TFDP1: variants seen among roughly 807,000 people sequenced by gnomAD.
TFDP1 encodes transcription factor Dp-1.
A neutral mutation model predicts 48.0 loss-of-function variants in TFDP1; 6 were observed. The ratio of observed to expected loss-of-function variants is 0.13; its 90% CI spans 0.07 to 0.25. The LOEUF is 0.25. Ranked by LOEUF, TFDP1 falls within the 10% of genes least tolerant of loss-of-function variation. The probability of loss-of-function intolerance (pLI) is 1.00; values close to 1 mark genes in which losing one functional copy is unlikely to be tolerated. For missense variants in TFDP1, 335 were observed against 543.0 expected (o/e 0.62, Z 3.81); for synonymous variants, 201 against 211.6 (o/e 0.95, Z 0.44).
intron 3 of TFDP1, among the ~76,000 whole-genome samples, chr13:113,622,523 C>A (rs1169025083): frequency 6.6e-6 from 1 of 152,214 alleles, no homozygotes. Flanking sequence ...CCGCTGATGC[C>A]AGTTTTTGAA....
intron 2 of TFDP1, among the ~76,000 whole-genome samples, chr13:113,595,904 A>C (rs2048277369): frequency 1.3e-5 from 2 of 152,178 alleles, no homozygotes; most frequent in African/African-American, 2.4e-5. Flanking sequence ...AACATGGTGA[A>C]ACCCCGTCTC....
intron 8 of TFDP1, among the ~76,000 whole-genome samples, 191 bp downstream of exon 8, chr13:113,634,793 G>A (rs2049430955): frequency 1.6e-5 from 1 of 62,470 alleles, no homozygotes; most frequent in South Asian, 8.3e-4. Flanking sequence ...GTGCACGTGC[G>A]TGTGCATGCA....
chr13:113,617,351 GAGA>G (rs67458703), intron 3 of TFDP1, among the ~76,000 whole-genome samples: 7,145 of 152,066 alleles, frequency 0.047, 479 homozygotes, highest in African/African-American at 0.14. Context: ...GCTGACAACA[GAGA>G]AGAACATTCT....
chr13:113,613,334 T>C (rs1434201829), intron 3 of TFDP1, among the ~76,000 whole-genome samples: 1 of 152,236 alleles, frequency 6.6e-6, no homozygotes, highest in African/African-American at 2.4e-5. Flanking sequence ...ATTTTAAATT[T>C]GCTTTTGAAT....
chr13:113,601,303 GTT>G (rs2048419208), intron 2 of TFDP1, among the ~76,000 whole-genome samples: 4 of 93,948 alleles, frequency 4.3e-5, no homozygotes, highest in African/African-American at 2.6e-4. Flanking sequence ...GGTGCCCTGA[GTT>G]GGTCTGGGCA....
Position 113,623,921 on chromosome 13 carries a change from A to C in TFDP1, c.186+635A>C, listed in dbSNP as rs2049056488. Among the ~76,000 whole-genome samples, 1 of 152,108 alleles carries C rather than the reference A, an allele frequency of 6.6e-6. No homozygotes were observed. The highest frequency in any genetic ancestry group is 6.5e-5 in the Admixed American group (1 of 15,274). On this transcript the variant is annotated intron_variant, in intron 4 of 11. Transcript: ENST00000375370. This position sits in a 1 kb window ranked among gnomAD's most constrained non-coding sequence, Gnocchi z 5.2. ...CGGTGGCAGCCTACTGGAGACAGGG[A>C]GCCCACACAGAATCCTGACCTCACC...
intron 2 of TFDP1, among the ~76,000 whole-genome samples, chr13:113,591,514 T>C (rs1332851182): frequency 6.6e-6 from 1 of 152,248 alleles, no homozygotes; most frequent in East Asian, 1.9e-4. Flanking sequence ...TGGAGTTCGT[T>C]GTGTAAGAAT....
At chr13:113,608,926 T>G (rs1176776548) in intron 2 of TFDP1, among the ~76,000 whole-genome samples, 1 of 152,232 alleles carries the variant, frequency 6.6e-6, no homozygotes, top group Non-Finnish European at 1.5e-5. Context: ...GTCTCGGCCT[T>G]ACCAACCTGG....
At chr13:113,604,869 G>A (rs990570992) in intron 2 of TFDP1, among the ~76,000 whole-genome samples, 3 of 152,176 alleles carry the variant, frequency 2.0e-5, no homozygotes, top group Admixed American at 6.5e-5. Flanking sequence ...GGGTCTGCAC[G>A]TTTACTGCTG....
intron 3 of TFDP1, among the ~76,000 whole-genome samples, chr13:113,614,043 G>A (rs2048789246): frequency 6.6e-6 from 1 of 151,406 alleles, no homozygotes; most frequent in South Asian, 2.1e-4. Context: ...TGTGAGTTGT[G>A]TGTGAGATGT....
chr13:113,640,082 G>A (rs202225572), intron 11 of TFDP1, 38 bp from the exon 12 acceptor site: 30 of 1,505,346 alleles, frequency 2.0e-5, no homozygotes, highest in Admixed American at 1.4e-4. Flanking sequence ...TGGGTGGGCC[G>A]CCTGCACTGA....
At position 113,627,711 on chromosome 13, in the gene TFDP1, T is replaced by G. The variant is rs2049220105; in HGVS notation, c.187-3912T>G. 1.4e-5 allele frequency among the ~76,000 whole-genome samples: 2 copies of G among 146,272 alleles called. No individual in the cohort carries two copies. The highest frequency in any genetic ancestry group is 2.1e-4 in the South Asian group (1 of 4,816). On this transcript the variant is annotated intron_variant, in intron 4 of 11. Coordinates refer to ENST00000375370, the MANE Select transcript of TFDP1 (RefSeq NM_007111.5). This position sits in a 1 kb window ranked among gnomAD's most constrained non-coding sequence, Gnocchi z 4.1. ...CCTCCTGTCAGATCCCAGCATTAGGTTCTCAGGAGCGCAAACCCCACTGTG... is the reference window on the plus strand; with the variant it reads ...CCTCCTGTCAGATCCCAGCATTAGGGTCTCAGGAGCGCAAACCCCACTGTG...
chr13:113,631,111 G>A (rs991086978), intron 4 of TFDP1, among the ~76,000 whole-genome samples: 14 of 152,240 alleles, frequency 9.2e-5, no homozygotes, highest in African/African-American at 3.4e-4. Context: ...CACCCTGCCT[G>A]TGCTTTTGTC....
intron 2 of TFDP1, among the ~76,000 whole-genome samples, chr13:113,588,530 C>T (rs2048060359): frequency 6.6e-6 from 1 of 152,206 alleles, no homozygotes; most frequent in Non-Finnish European, 1.5e-5. Context: ...GGTCAGTCCT[C>T]TGGGGGTGTC....
chr13:113,587,588 A>G (rs920928208), intron 2 of TFDP1, among the ~76,000 whole-genome samples: 1 of 148,028 alleles, frequency 6.8e-6, no homozygotes, highest in African/African-American at 2.5e-5. Flanking sequence ...GGGTTTAAGC[A>G]ATCCTCTCGC....
intron 2 of TFDP1, among the ~76,000 whole-genome samples, chr13:113,593,061 G>T (rs1295794143): frequency 1.3e-5 from 2 of 149,972 alleles, no homozygotes; most frequent in East Asian, 2.0e-4. Context: ...CCCTGCCCAG[G>T]TGACAGGTGT....
intron 3 of TFDP1, among the ~76,000 whole-genome samples, chr13:113,622,153 C>T (rs2049010413): frequency 6.6e-6 from 1 of 152,208 alleles, no homozygotes; most frequent in African/African-American, 2.4e-5. Context: ...CTTATCTTTC[C>T]CTTTTGTCTT....
intron 3 of TFDP1, among the ~76,000 whole-genome samples, chr13:113,621,737 A>G (rs2048999715): frequency 6.6e-6 from 1 of 152,218 alleles, no homozygotes; most frequent in African/African-American, 2.4e-5. Flanking sequence ...ACTGTGGTCT[A>G]GCGGTAGCCT....
At chr13:113,624,248 G>T (rs2049064886) in intron 4 of TFDP1, among the ~76,000 whole-genome samples, 1 of 152,124 alleles carries the variant, frequency 6.6e-6, no homozygotes, top group South Asian at 2.1e-4. Flanking sequence ...CTCTTAAAAG[G>T]ATTGAACACC....
Sources: allele counts gnomAD v4.1 joint callset (sites outside exome capture counted in the v4.1 genomes callset), GRCh38; gene constraint gnomAD v4.1.1; non-coding constraint Gnocchi (gnomAD v3.1); transcripts MANE v1.5; gene names NCBI Gene and HGNC (gene_info 2026-07-23, HGNC 2026-07-21).